The following EDA variants were observed in gnomAD, a reference collection of about 807,000 sequenced individuals.
The protein encoded by EDA is ectodysplasin-A.
Under a neutral mutation model 23.6 loss-of-function variants are expected in EDA, and 2 were observed. The observed-to-expected ratio is 0.08, with a 90% CI of 0.03 to 0.27. EDA has a LOEUF of 0.27. Ranked by LOEUF, EDA falls within the 10% of genes least tolerant of loss-of-function variation. The probability of loss-of-function intolerance (pLI) is 1.00; values close to 1 mark genes in which losing one functional copy is unlikely to be tolerated. For synonymous variants in EDA, 131 were observed against 132.0 expected (o/e 0.99, Z 0.05); for missense variants, 229 against 324.2 (o/e 0.71, Z 2.26).
intron 1 of EDA, among the ~76,000 whole-genome samples, chrX:69,694,317 T>G (rs914910012): frequency 8.9e-6 from 1 of 111,920 alleles, no homozygotes; most frequent in Admixed American, 9.5e-5. Flanking sequence ...TCTTAAGGAG[T>G]TATTTTAAAT....
At chrX:69,851,310 C>G (rs1217610325) in intron 1 of EDA, among the ~76,000 whole-genome samples, 1 of 111,763 alleles carries the variant, frequency 8.9e-6, no homozygotes, top group Non-Finnish European at 1.9e-5. Context: ...TCCTTCATGG[C>G]TTCTCACTGT....
chrX:69,628,139 T>C (rs1932454031), intron 1 of EDA, among the ~76,000 whole-genome samples: 1 of 112,199 alleles, frequency 8.9e-6, no homozygotes, highest in Non-Finnish European at 1.9e-5. Flanking sequence ...TTTTATTCTG[T>C]GGTTTGTGGA....
intron 1 of EDA, among the ~76,000 whole-genome samples, chrX:69,679,733 A>G (rs1212470839): frequency 1.1e-4 from 12 of 110,956 alleles, no homozygotes; most frequent in Non-Finnish European, 1.9e-4. Context: ...TAGTCTTGCT[A>G]GCGGTTTATC....
intron 1 of EDA, among the ~76,000 whole-genome samples, chrX:69,748,457 G>A (rs1267668003): frequency 1.8e-5 from 2 of 111,820 alleles, no homozygotes; most frequent in African/African-American, 3.3e-5. Context: ...AAAAAAGCCC[G>A]TCGTGTGATA....
intron 1 of EDA, among the ~76,000 whole-genome samples, chrX:69,849,189 C>A (rs1407025886): frequency 9.2e-6 from 1 of 108,294 alleles, no homozygotes; most frequent in African/African-American, 3.4e-5. Flanking sequence ...AGGAGAACCA[C>A]AATTGTCTCT....
In EDA at chrX:69,827,750, T is replaced by C. The variant is rs1197167554; in HGVS notation, c.397-129277T>C. Among the ~76,000 whole-genome samples, 15 of 112,166 alleles carry C rather than the reference T, an allele frequency of 1.3e-4. No individual in the cohort carries two copies. The East Asian group carries it at 3.1e-3, about 23-fold the overall frequency. Reference sequence around the variant, plus strand: ...TTGTTCCATTGCTAGTGAGGAACTGTGTTCCTTTGGAGGAGGAGAGGCGCT... The same window carrying C: ...TTGTTCCATTGCTAGTGAGGAACTGCGTTCCTTTGGAGGAGGAGAGGCGCT... On this transcript the variant is annotated intron_variant, in intron 1 of 7. Coordinates refer to ENST00000374552, the MANE Select transcript of EDA (RefSeq NM_001399.5).
chrX:69,987,525 A>G (rs2019519541), intron 2 of EDA, among the ~76,000 whole-genome samples: 1 of 109,146 alleles, frequency 9.2e-6, no homozygotes, highest in African/African-American at 3.3e-5. Context: ...TGCCTCTCAC[A>G]TATCCCAGAC....
At position 70,013,412 on chromosome X, in the gene EDA, G is replaced by A. The variant is rs187074267; in HGVS notation, c.503-9806G>A. 2.7e-5 allele frequency among the ~76,000 whole-genome samples: 3 copies of A among 110,998 alleles called. No individual in the cohort carries two copies. The East Asian group carries it at 8.6e-4, about 32-fold the overall frequency. The stretch of plus-strand genomic sequence containing the variant: ...GAGTAGCTGCCCCAACCCTGACTGA[G>A]CATTCCCGCTGGTAGTGGCTGTGTT... On this transcript the variant is annotated intron_variant, in intron 2 of 7. Transcript: ENST00000374552.
At chrX:69,726,880 G>A (rs1310416378) in intron 1 of EDA, among the ~76,000 whole-genome samples, 1 of 112,314 alleles carries the variant, frequency 8.9e-6, no homozygotes, top group Admixed American at 9.4e-5. Context: ...TAGCATCCAC[G>A]GGTGTGTTAC....
At chrX:69,737,404 G>A (rs756443566) in intron 1 of EDA, among the ~76,000 whole-genome samples, 1 of 111,276 alleles carries the variant, frequency 9.0e-6, no homozygotes, top group East Asian at 2.8e-4. Context: ...ATACTTCTTT[G>A]TTTTCAGTGG....
intron 2 of EDA, among the ~76,000 whole-genome samples, chrX:69,975,967 G>A (rs1484728052): frequency 8.9e-6 from 1 of 111,831 alleles, no homozygotes; most frequent in Non-Finnish European, 1.9e-5. Flanking sequence ...TGTCATGGTG[G>A]TATAAGAATT....
At chrX:70,010,148 C>T (rs2019856370) in intron 2 of EDA, among the ~76,000 whole-genome samples, 1 of 111,638 alleles carries the variant, frequency 9.0e-6, no homozygotes, top group African/African-American at 3.3e-5. Context: ...TGGTACTATT[C>T]AGCTCAACTA....
chrX:69,903,398 G>T (rs1215403012), intron 1 of EDA, among the ~76,000 whole-genome samples: 1 of 111,391 alleles, frequency 9.0e-6, no homozygotes, highest in Non-Finnish European at 1.9e-5. Flanking sequence ...TGAAAAAAAT[G>T]TTTGTTAAAT....
chrX:69,922,327 G>A (rs2018447659), intron 1 of EDA, among the ~76,000 whole-genome samples: 1 of 112,078 alleles, frequency 8.9e-6, no homozygotes, highest in Non-Finnish European at 1.9e-5. Context: ...ACAAAGGAGT[G>A]TGATTGCTGG....
chrX:70,002,116 T>G (rs959620905), intron 2 of EDA, among the ~76,000 whole-genome samples: 1 of 111,605 alleles, frequency 9.0e-6, no homozygotes, highest in Non-Finnish European at 1.9e-5. Context: ...GTAACAGGAA[T>G]GCGTTCAAGT....
chrX:69,806,560 G>A (rs374231964), intron 1 of EDA, among the ~76,000 whole-genome samples: 1 of 111,107 alleles, frequency 9.0e-6, no homozygotes, highest in South Asian at 3.8e-4. Context: ...CCTTCATGGA[G>A]CATACAATAA....
At chrX:69,740,104 C>A (rs1602353858) in intron 1 of EDA, among the ~76,000 whole-genome samples, 1 of 111,120 alleles carries the variant, frequency 9.0e-6, no homozygotes, top group African/African-American at 3.3e-5. Flanking sequence ...TAATATATTT[C>A]TATATGTAAT....
chrX:69,783,633 T>C (rs1407501843), intron 1 of EDA, among the ~76,000 whole-genome samples: 15 of 111,059 alleles, frequency 1.4e-4, no homozygotes, highest in East Asian at 5.7e-4. Flanking sequence ...TTTTTTATGG[T>C]TGCATAGTAT....
chrX:70,023,153 C>G (rs1284799848), intron 2 of EDA, 65 bp from the exon 3 acceptor site: 8 of 795,880 alleles, frequency 1.0e-5, no homozygotes. Context: ...TAGTGACTAT[C>G]TTAGAAAATA....
Sources: allele counts gnomAD v4.1 joint callset (sites outside exome capture counted in the v4.1 genomes callset), GRCh38; gene constraint gnomAD v4.1.1; transcripts MANE v1.5; gene names NCBI Gene and HGNC (gene_info 2026-07-23, HGNC 2026-07-21).